The following ST6GAL1 variants were observed in gnomAD, a reference collection of about 807,000 sequenced individuals.
ST6GAL1 encodes ST6 beta-galactoside alpha-2,6-sialyltransferase 1.
Under a neutral mutation model 38.0 loss-of-function variants are expected in ST6GAL1, and 20 were observed. The observed-to-expected ratio is 0.53, with a 90% CI of 0.37 to 0.77. The LOEUF (loss-of-function observed/expected upper bound fraction) is 0.77. ST6GAL1 is among the 30% of genes least tolerant of loss of function. ST6GAL1 has a pLI of 0.00. For missense variants in ST6GAL1, 432 were observed against 496.4 expected, an observed-to-expected ratio of 0.87 and a Z score of 1.23; for synonymous variants, 196 against 188.2, an observed-to-expected ratio of 1.04 and a Z score of -0.34.
In ST6GAL1 at chr3:187,048,569, T is replaced by G. The variant is rs577397470; in HGVS notation, c.608-2680T>G. On this transcript the variant is annotated intron_variant, in intron 4 of 7. Coordinates refer to ENST00000169298, the MANE Select transcript of ST6GAL1 (RefSeq NM_173216.2). ...GTTAGTGTCACAGTGTTTGTCACAA[T>G]CCGAAATTATCTTATATGTAGGTTG... Among the ~76,000 whole-genome samples the G allele has an allele frequency of 5.3e-5, 8 of 152,286 alleles. No individual in the cohort carries two copies. The South Asian group carries it at 1.7e-3, about 32-fold the overall frequency.
At position 186,984,752 on chromosome 3, in the gene ST6GAL1, C is replaced by CT. The variant is rs1715820349; in HGVS notation, c.-183+20827dup. ...CTTCCTTCCTTCCTTCCCTCCCTCC[C>CT]TCCCTCCCTCCCTCCTTCCTTCCTT... On this transcript the variant is annotated intron_variant, in intron 2 of 7. Coordinates refer to ENST00000169298, the MANE Select transcript of ST6GAL1 (RefSeq NM_173216.2). Among the ~76,000 whole-genome samples the CT allele has an allele frequency of 1.2e-4, 7 of 58,330 alleles. 1 individual carries two copies. Among genetic ancestry groups the CT allele is most frequent in the African/African-American group, 3.7e-4 (6 of 16,092 alleles). The allele number at this position is 58,330 out of a possible 152,430, so 38.3% of individuals were successfully genotyped here.
At chr3:186,959,767 A>G (rs1338236704) in intron 1 of ST6GAL1, among the ~76,000 whole-genome samples, 1 of 152,256 alleles carries the variant, frequency 6.6e-6, no homozygotes, top group Non-Finnish European at 1.5e-5. Context: ...GGAGACCCAG[A>G]TCCTGGAATG....
chr3:187,035,362 A>G (rs1054075912), intron 2 of ST6GAL1, among the ~76,000 whole-genome samples: 2 of 152,242 alleles, frequency 1.3e-5, no homozygotes, highest in South Asian at 2.1e-4. Context: ...TGTTCCTATC[A>G]AACTACCAAT....
rs191206061 is a variant in ST6GAL1, at chr3:187,077,058, C to G, written c.*1255C>G. The G allele has an allele frequency of 7.5e-6, 3 of 398,372 alleles. No individual in the cohort carries two copies. In the East Asian group the frequency reaches 1.1e-4, roughly 14 times the overall value. The allele number at this position is 398,372 out of a possible 1,614,324, so 24.7% of individuals were successfully genotyped here. A position where few individuals can be genotyped will look rare whatever the true frequency, so the allele number is the denominator to read the frequency against. ...AGCTCACGGGCCTTTTGCTGAAGGT[C>G]TCTCAGGGTGTAGTGGTGTGGCTCT... is the stretch of plus-strand genomic sequence containing the variant. On this transcript the variant is annotated 3_prime_UTR_variant, in exon 8 of 8. Transcript: ENST00000169298.
chr3:187,024,489 TATATAGAGAGAGAG>T lies in ST6GAL1; in HGVS notation c.-182-14251_-182-14238del, dbSNP rs1301922061. On this transcript the variant is annotated intron_variant, in intron 2 of 7. Coordinates refer to ENST00000169298, the MANE Select transcript of ST6GAL1 (RefSeq NM_173216.2). ...ATATATATGTGTATATATATATATA[TATATAGAGAGAGAG>T]AGAGAGAGAGAGAGAGAGAGTATAT... Among the ~76,000 whole-genome samples the T allele has an allele frequency of 1.6e-3, 149 of 90,998 alleles. 2 individuals carry two copies. The highest frequency in any genetic ancestry group is 0.011 in the South Asian group (28 of 2,584). 59.7% of individuals were successfully genotyped at this position (90,998 alleles called of 152,430 possible). A position where few individuals can be genotyped will look rare whatever the true frequency, so the allele number is the denominator to read the frequency against.
chr3:187,060,161 ATCT>A, intron 5 of ST6GAL1, among the ~76,000 whole-genome samples: 2 of 152,166 alleles, frequency 1.3e-5, no homozygotes, highest in Non-Finnish European at 2.9e-5. Flanking sequence ...GCACCGAGGC[ATCT>A]TCTTTTTTCA....
intron 1 of ST6GAL1, among the ~76,000 whole-genome samples, chr3:186,956,370 G>GC (rs1560141128): frequency 2.0e-5 from 3 of 151,276 alleles, no homozygotes; most frequent in Non-Finnish European, 4.4e-5. Context: ...GTTTGTGTTT[G>GC]TTTTTTTTTC....
Position 186,967,082 on chromosome 3 carries a change from G to A in ST6GAL1, c.-183+3156G>A, listed in dbSNP as rs139258945. ...TGTTTAGTACCTTCTTTTTCCGTCC[G>A]TTCTGTCACCACTCATGTCCAGCCT... On this transcript the variant is annotated intron_variant, in intron 2 of 7. Coordinates refer to ENST00000169298, the MANE Select transcript of ST6GAL1 (RefSeq NM_173216.2). Among the ~76,000 whole-genome samples the A allele has an allele frequency of 6.4e-4, 98 of 152,254 alleles. 3 individuals carry two copies. The highest frequency in any genetic ancestry group is 2.3e-3 in the African/African-American group (94 of 41,546).
chr3:186,943,769 G>C (rs570848909), intron 1 of ST6GAL1, among the ~76,000 whole-genome samples: 46 of 152,288 alleles, frequency 3.0e-4, no homozygotes, highest in African/African-American at 1.1e-3. Context: ...ATTAATAGGC[G>C]AGGAAACAAA....
chr3:187,048,880 A>ATTTTTTTTTTTTTTTTTTT (rs374148828), intron 4 of ST6GAL1, among the ~76,000 whole-genome samples: 11 of 115,450 alleles, frequency 9.5e-5, no homozygotes, highest in African/African-American at 4.1e-4. Context: ...GAGAAATTGA[A>ATTTTTTTTTTTTTTTTTTT]TTTTTTTTTT....
chr3:186,955,818 C>T (rs1328906176), intron 1 of ST6GAL1, among the ~76,000 whole-genome samples: 5 of 152,096 alleles, frequency 3.3e-5, no homozygotes, highest in Admixed American at 2.0e-4. Context: ...TCTCTTATTT[C>T]CTTGAGCAGT....
chr3:186,949,363 G>C (rs1714496847), intron 1 of ST6GAL1, among the ~76,000 whole-genome samples: 2 of 152,214 alleles, frequency 1.3e-5, no homozygotes, highest in African/African-American at 4.8e-5. Context: ...CACAGTGCTG[G>C]TTCTGGGAGG....
intron 2 of ST6GAL1, among the ~76,000 whole-genome samples, chr3:186,991,072 A>G (rs1418396487): frequency 1.3e-5 from 2 of 151,760 alleles, no homozygotes; most frequent in Non-Finnish European, 2.9e-5. Flanking sequence ...TGTGGTCAGG[A>G]TTTTTCCACT....
chr3:186,985,509 C>A (rs1419173326), intron 2 of ST6GAL1, among the ~76,000 whole-genome samples: 1 of 151,408 alleles, frequency 6.6e-6, no homozygotes, highest in African/African-American at 2.4e-5. Context: ...TGAGGCTAGG[C>A]ACTCCCAGCA....
intron 2 of ST6GAL1, among the ~76,000 whole-genome samples, chr3:187,022,560 A>T (rs1717366238): frequency 6.6e-6 from 1 of 152,098 alleles, no homozygotes; most frequent in African/African-American, 2.4e-5. Context: ...CTGGGTGAAT[A>T]GATAGTGATT....
At position 186,950,917 on chromosome 3, in the gene ST6GAL1, A is replaced by G. The variant is rs74822662; in HGVS notation, c.-324-12868A>G. Among the ~76,000 whole-genome samples the G allele has an allele frequency of 1.2e-4, 18 of 152,074 alleles. No homozygotes were observed. In the East Asian group the frequency reaches 3.5e-3, roughly 29 times the overall value. On this transcript the variant is annotated intron_variant, in intron 1 of 7. Transcript: ENST00000169298. ...AAACGTAGAAGCTTTCATTTACTGAACTCTTACCATGTCTGGGCATGCTAT... is the reference window on the plus strand; with the variant it reads ...AAACGTAGAAGCTTTCATTTACTGAGCTCTTACCATGTCTGGGCATGCTAT...
intron 3 of ST6GAL1, among the ~76,000 whole-genome samples, chr3:187,042,320 T>G (rs550150257): frequency 6.6e-6 from 1 of 152,122 alleles, no homozygotes; most frequent in East Asian, 1.9e-4. Flanking sequence ...AAACTCAGAG[T>G]GCAGTCAGAG....
chr3:187,045,290 C>CT (rs4012167), intron 4 of ST6GAL1, among the ~76,000 whole-genome samples: 1,782 of 146,858 alleles, frequency 0.012, 34 homozygotes, highest in African/African-American at 0.04. Flanking sequence ...CATTTTATGA[C>CT]TTTTTTTTTT....
intron 1 of ST6GAL1, among the ~76,000 whole-genome samples, chr3:186,960,392 G>A (rs1214060991): frequency 6.6e-6 from 1 of 152,142 alleles, no homozygotes; most frequent in Non-Finnish European, 1.5e-5. Flanking sequence ...GGAGAAGGAA[G>A]GAGTTGAGCA....
Sources: gnomAD v4.1 joint callset for allele counts (sites outside exome capture counted in the v4.1 genomes callset) on GRCh38, gnomAD v4.1.1 for gene constraint, MANE v1.5 for transcripts, NCBI Gene and HGNC (gene_info 2026-07-23, HGNC 2026-07-21) for gene names.